LMAN2L: variants seen among roughly 807,000 people sequenced by gnomAD.
The protein encoded by LMAN2L is VIP36-like protein.
A neutral mutation model predicts 44.3 loss-of-function variants in LMAN2L; 30 were observed. The ratio of observed to expected loss-of-function variants is 0.68; its 90% CI spans 0.51 to 0.92. The LOEUF is 0.92. Ranked by LOEUF, LMAN2L falls within the 40% of genes least tolerant of loss-of-function variation. The probability of loss-of-function intolerance (pLI) is 0.00; values close to 1 mark genes in which losing one functional copy is unlikely to be tolerated. For synonymous variants in LMAN2L, 183 were observed against 171.1 expected, an observed-to-expected ratio of 1.07 and a Z score of -0.54; for missense variants, 429 against 446.1, an observed-to-expected ratio of 0.96 and a Z score of 0.35.
At chr2:96,707,472 T>C in intron 7 of LMAN2L, 74 bp from the exon 8 acceptor site, 1 of 1,485,150 alleles carries the variant, frequency 6.7e-7, no homozygotes, top group Non-Finnish European at 9.0e-7. Flanking sequence ...CTATAGGCTG[T>C]CCGGCCCCCA....
chr2:96,739,252 A>G (rs1047882115), intron 1 of LMAN2L, among the ~76,000 whole-genome samples: 1 of 152,120 alleles, frequency 6.6e-6, no homozygotes, highest in Non-Finnish European at 1.5e-5. Context: ...CTGTCCCACT[A>G]CCTACGCCTT....
Position 96,707,317 on chromosome 2 carries a change from A to T in LMAN2L, c.986T>A (p.Ile329Lys), listed in dbSNP as rs761428719. 6.2e-7 allele frequency: 1 copy of T among 1,614,104 alleles called. No homozygotes were observed. Reference sequence around the variant, plus strand: ...GTTGTAGAGTATGATACCAATGACTATGGCAAATACAGAAAACACCAGGGA... The same window carrying T: ...GTTGTAGAGTATGATACCAATGACTTTGGCAAATACAGAAAACACCAGGGA... ...FFSLVFSVFA[I>K]VIGIILYNKW... Residue 329 changes from isoleucine to lysine, a missense_variant, in exon 8 of 8, where the codon ATA becomes AAA. Transcript: ENST00000264963.
In LMAN2L at chr2:96,734,487, T is replaced by C. The variant is rs1262611817; in HGVS notation, c.346A>G (p.Lys116Glu). 4 of 1,613,704 alleles carry C rather than the reference T, an allele frequency of 2.5e-6. No homozygotes were observed. The highest frequency in any genetic ancestry group is 3.4e-6 in the Non-Finnish European group (4 of 1,179,572). ...TTCTTCTTTCCTTGTCCATGGATTT[T>C]GAAGTGCACCTGCAACTCCCAGTCT... ...LRDWELQVHF[K>E]IHGQGKKNLH... The change falls in exon 3 of 8, where the codon AAA (lysine) becomes GAA (glutamate). Residue 116 changes from lysine (K) to glutamate (E), a missense_variant. Transcript: ENST00000264963.
At chr2:96,709,486 T>C (rs1344841955) in intron 6 of LMAN2L, among the ~76,000 whole-genome samples, 1 of 152,210 alleles carries the variant, frequency 6.6e-6, no homozygotes, top group Non-Finnish European at 1.5e-5. Context: ...GGTTGGTTAC[T>C]GACTGGGGCC....
Position 96,733,417 on chromosome 2 carries a change from C to A in LMAN2L, c.507+102G>T. 7 of 805,040 alleles carry A rather than the reference C, an allele frequency of 8.7e-6. No homozygotes were observed. The South Asian group carries it at 1.1e-4, about 13-fold the overall frequency. 49.9% of individuals were successfully genotyped at this position (805,040 alleles called of 1,614,324 possible). On this transcript the variant is annotated intron_variant, in intron 4 of 7. Coordinates refer to ENST00000264963, the MANE Select transcript of LMAN2L (RefSeq NM_030805.4). ...CTTTCAAAGTTCAACAGATGAAGAA[C>A]CCCTCACTTTCTATCTCCTTTGTTC...
intron 4 of LMAN2L, among the ~76,000 whole-genome samples, chr2:96,715,386 T>G (rs1012266393): frequency 1.3e-5 from 2 of 152,236 alleles, no homozygotes; most frequent in Admixed American, 1.3e-4. Context: ...ACTTTTAACC[T>G]CACATTAGTG....
At chr2:96,734,746 C>T (rs377063569) in intron 2 of LMAN2L, 235 of 532,702 alleles carry the variant, frequency 4.4e-4, no homozygotes, top group East Asian at 3.1e-3. Context: ...ATAAACCTCC[C>T]GATTATCTTC....
intron 4 of LMAN2L, among the ~76,000 whole-genome samples, chr2:96,725,776 A>G (rs1425806377): frequency 2.6e-5 from 4 of 151,368 alleles, no homozygotes; most frequent in Non-Finnish European, 4.4e-5. Flanking sequence ...ATTCTTTTTG[A>G]TAACACTGCA....
intron 4 of LMAN2L, among the ~76,000 whole-genome samples, chr2:96,721,792 A>T (rs1461217824): frequency 6.6e-6 from 1 of 151,066 alleles, no homozygotes; most frequent in Non-Finnish European, 1.5e-5. Context: ...ACTTATTTTC[A>T]TTGCTGATAT....
At chr2:96,712,369 C>T (rs1301327696) in intron 4 of LMAN2L, among the ~76,000 whole-genome samples, 1 of 152,158 alleles carries the variant, frequency 6.6e-6, no homozygotes, top group Non-Finnish European at 1.5e-5. Context: ...GTTTCCTTTT[C>T]GTGTATATGT....
chr2:96,738,891 C>T (rs868461749), intron 1 of LMAN2L, among the ~76,000 whole-genome samples: 6 of 152,134 alleles, frequency 3.9e-5, no homozygotes, highest in Non-Finnish European at 7.4e-5. Flanking sequence ...CAGGCGCCCG[C>T]CACCACACCT....
intron 4 of LMAN2L, 130 bp from the exon 5 acceptor site, chr2:96,712,155 T>G: frequency 1.2e-6 from 1 of 839,168 alleles, no homozygotes; most frequent in Non-Finnish European, 1.9e-6. Flanking sequence ...TCGACCTCAT[T>G]GTCAGCAGCC....
At chr2:96,730,762 C>T (rs1045963370) in intron 4 of LMAN2L, among the ~76,000 whole-genome samples, 2 of 152,116 alleles carry the variant, frequency 1.3e-5, no homozygotes, top group African/African-American at 4.8e-5. Context: ...GCAACCTCCA[C>T]CTTCCAGGTT....
chr2:96,714,034 A>G (rs2077983902), intron 4 of LMAN2L, among the ~76,000 whole-genome samples: 1 of 152,236 alleles, frequency 6.6e-6, no homozygotes, highest in South Asian at 2.1e-4. Context: ...TGAGGGTCCA[A>G]AGAGAAACAA....
chr2:96,720,947 T>A (rs1001975773), intron 4 of LMAN2L, among the ~76,000 whole-genome samples: 7 of 151,870 alleles, frequency 4.6e-5, no homozygotes, highest in Non-Finnish European at 7.4e-5. Context: ...TCAAAAAAAA[T>A]AAATAAAATA....
chr2:96,717,658 G>A lies in LMAN2L; in HGVS notation c.508-5633C>T, dbSNP rs1043108146. 1.6e-4 allele frequency among the ~76,000 whole-genome samples: 25 copies of A among 151,780 alleles called. 1 individual carries two copies. The highest frequency in any genetic ancestry group is 2.1e-4 in the Non-Finnish European group (14 of 67,934). ...AGTTCGAGACCAGCCTGACCAACAC[G>A]GAGAAACCCCGTCCCTATTAAAAAT... On this transcript the variant is annotated intron_variant, in intron 4 of 7. Transcript: ENST00000264963.
At chr2:96,718,584 G>T (rs2078088652) in intron 4 of LMAN2L, among the ~76,000 whole-genome samples, 1 of 151,960 alleles carries the variant, frequency 6.6e-6, no homozygotes, top group East Asian at 1.9e-4. Flanking sequence ...TCCTCCCTGG[G>T]ATCACTAGCG....
chr2:96,708,286 T>C (rs1573993689), intron 6 of LMAN2L, among the ~76,000 whole-genome samples: 2 of 152,384 alleles, frequency 1.3e-5, no homozygotes, highest in African/African-American at 4.8e-5. Context: ...CTGCATCGTG[T>C]ACTGTATTCC....
intron 6 of LMAN2L, among the ~76,000 whole-genome samples, chr2:96,711,101 T>C (rs577235898): frequency 2.6e-5 from 4 of 152,258 alleles, no homozygotes; most frequent in African/African-American, 9.6e-5. Context: ...AGAACGAGAA[T>C]AGAGTACTGA....
Sources: gnomAD v4.1 joint callset for allele counts (sites outside exome capture counted in the v4.1 genomes callset) on GRCh38, gnomAD v4.1.1 for gene constraint, MANE v1.5 for transcripts, NCBI Gene and HGNC (gene_info 2026-07-23, HGNC 2026-07-21) for gene names.